POLR3B: variants seen among roughly 807,000 people sequenced by gnomAD.
POLR3B encodes RNA polymerase III subunit B, also known as DNA-directed RNA polymerase III subunit RPC2.
POLR3B carries 96 observed loss-of-function variants against 147.4 expected under a neutral mutation model. That is an observed-to-expected ratio of 0.65 (90% CI 0.55 to 0.77). The LOEUF is 0.77. Among genes scored for constraint, POLR3B ranks in the 30% least tolerant of loss-of-function variants. The pLI is 0.00. For synonymous variants in POLR3B, 461 were observed against 485.9 expected (o/e 0.95, Z 0.67); for missense variants, 1,036 against 1,413.5 (o/e 0.73, Z 4.28).
chr12:106,402,024 C>T (rs1203596634), intron 10 of POLR3B, among the ~76,000 whole-genome samples: 1 of 152,104 alleles, frequency 6.6e-6, no homozygotes, highest in Non-Finnish European at 1.5e-5. Flanking sequence ...GTCAAATTGT[C>T]CCTGTTTGCA....
At chr12:106,425,111 T>G (rs1180198378) in intron 12 of POLR3B, among the ~76,000 whole-genome samples, 1 of 152,346 alleles carries the variant, frequency 6.6e-6, no homozygotes, top group East Asian at 1.9e-4. Flanking sequence ...TTATTTATCT[T>G]GTCCTATGGA....
intron 23 of POLR3B, among the ~76,000 whole-genome samples, chr12:106,483,686 G>A (rs925734436): frequency 1.3e-5 from 2 of 152,162 alleles, no homozygotes; most frequent in South Asian, 4.1e-4. Context: ...GTGAAGGGAG[G>A]CCCTTGCTAT....
intron 6 of POLR3B, among the ~76,000 whole-genome samples, chr12:106,370,922 G>C (rs1287307000): frequency 6.6e-6 from 1 of 152,100 alleles, no homozygotes; most frequent in Non-Finnish European, 1.5e-5. Flanking sequence ...GTGAGCCACC[G>C]CGCCTGGCCT....
In POLR3B at chr12:106,459,347, A is replaced by C; in HGVS notation, c.2549A>C (p.Gln850Pro). Residue 850 changes from glutamine to proline, a missense_variant, in exon 22 of 28, where the codon CAG becomes CCG. Physicochemically the swap from Gln to Pro is moderately conservative, Grantham distance 76. Around this residue, in one of 12 missense-constraint regions of POLR3B, gnomAD observed 202 missense variants for 272.8 expected, o/e 0.74. Transcript: ENST00000228347. ...GGAAGTAATGTACCACAGCAACCACAGTACAAAGATGTACCCATAACGTAT... is the reference window on the plus strand; with the variant it reads ...GGAAGTAATGTACCACAGCAACCACCGTACAAAGATGTACCCATAACGTAT... ...LEGSNVPQQP[Q>P]YKDVPITYKG... The C allele has an allele frequency of 6.4e-7, 1 of 1,566,190 alleles. No individual in the cohort carries two copies. Among genetic ancestry groups the C allele is most frequent in the Non-Finnish European group, 8.8e-7 (1 of 1,136,264 alleles).
chr12:106,463,475 CAGCTACAAAGG>C lies in POLR3B; in HGVS notation c.2572_2582del (p.Tyr858AsnfsTer6). ...TGTTTTAGTGACTTTCTCTTAACAC[CAGCTACAAAGG>C]AGCAACAGACTCATATATTGAAAAA... On this transcript the variant is annotated splice_acceptor_variant and coding_sequence_variant, in exon 23 of 28. Transcript: ENST00000228347. LOFTEE classifies it high-confidence loss of function. The C allele has an allele frequency of 4.3e-6, 7 of 1,612,962 alleles. No homozygotes were observed. The highest frequency in any genetic ancestry group is 5.9e-6 in the Non-Finnish European group (7 of 1,179,160).
At chr12:106,435,195 T>G (rs2037561499) in intron 16 of POLR3B, among the ~76,000 whole-genome samples, 2 of 152,006 alleles carry the variant, frequency 1.3e-5, no homozygotes, top group African/African-American at 4.8e-5. Flanking sequence ...TGGTACGATC[T>G]TGAGTCACTG....
At position 106,437,134 on chromosome 12, in the gene POLR3B, A is replaced by C. The variant is rs184732347; in HGVS notation, c.1856+3A>C. 122 of 1,595,294 alleles carry C rather than the reference A, an allele frequency of 7.6e-5. No homozygotes were observed. In the African/African-American group the frequency reaches 1.4e-3, roughly 18 times the overall value. The stretch of plus-strand genomic sequence containing the variant: ...GAAGAGCTGGCCCAAGGGTACAGGT[A>C]AGTAGCCAAAAGTAAAACTTACCAA... On this transcript the variant is annotated splice_donor_region_variant and intron_variant, in intron 17 of 27. Coordinates refer to ENST00000228347, the MANE Select transcript of POLR3B (RefSeq NM_018082.6).
chr12:106,366,660 A>G lies in POLR3B; in HGVS notation c.165A>G (p.Ile55Met), dbSNP rs748135287. ...DSFNYFINVE[I>M]KKIMKANEKV... ...TAATGTTGCATTTTCCACTGCAGAT[A>G]AAGAAGATAATGAAAGCCAATGAAA... is the stretch of plus-strand genomic sequence containing the variant. Residue 55 changes from isoleucine (I) to methionine (M), a missense_variant and splice_region_variant, in exon 4 of 28, where the codon ATA becomes ATG. Physicochemically the swap from Ile to Met is conservative, Grantham distance 10. Coordinates refer to ENST00000228347, the MANE Select transcript of POLR3B (RefSeq NM_018082.6). 1 of 1,613,438 alleles carries G rather than the reference A, an allele frequency of 6.2e-7. No individual in the cohort carries two copies. The highest frequency in any genetic ancestry group is 1.7e-5 in the Admixed American group (1 of 60,036).
intron 18 of POLR3B, among the ~76,000 whole-genome samples, chr12:106,443,218 G>A (rs2137015542): frequency 6.6e-6 from 1 of 151,972 alleles, no homozygotes; most frequent in East Asian, 1.9e-4. Flanking sequence ...TCAAAATCTG[G>A]TGTGTGCTTA....
At chr12:106,453,099 A>G (rs951477126) in intron 19 of POLR3B, among the ~76,000 whole-genome samples, 2 of 147,142 alleles carry the variant, frequency 1.4e-5, no homozygotes, top group African/African-American at 2.5e-5. Flanking sequence ...ATCTTAGCTC[A>G]CTGCAACCTC....
chr12:106,487,311 C>G (rs2038353702), intron 23 of POLR3B, among the ~76,000 whole-genome samples: 2 of 152,166 alleles, frequency 1.3e-5, no homozygotes, highest in African/African-American at 4.8e-5. Context: ...AGAATAAGAG[C>G]AGTGGTTAGT....
rs1231159864 is a variant in POLR3B, at chr12:106,370,713, C to T, written c.404+1030C>T. On this transcript the variant is annotated intron_variant, in intron 6 of 27. Coordinates refer to ENST00000228347, the MANE Select transcript of POLR3B (RefSeq NM_018082.6). ...GTGGCATGATGTTGGCTCACTGCAA[C>T]CTCTGCCTCCCGGGTTCAAGTAGTT... is the stretch of plus-strand genomic sequence containing the variant. 2.7e-5 allele frequency among the ~76,000 whole-genome samples: 4 copies of T among 149,240 alleles called. No homozygotes were observed. In the Admixed American group the frequency reaches 2.7e-4, roughly 10 times the overall value.
intron 9 of POLR3B, among the ~76,000 whole-genome samples, chr12:106,391,547 G>A (rs183474007): frequency 2.6e-5 from 4 of 152,150 alleles, no homozygotes; most frequent in East Asian, 1.9e-4. Context: ...AGTTTACATC[G>A]GATCCTAAAG....
intron 4 of POLR3B, among the ~76,000 whole-genome samples, 185 bp downstream of exon 4, chr12:106,366,907 C>A (rs749924795): frequency 4.6e-5 from 7 of 152,150 alleles, no homozygotes; most frequent in Non-Finnish European, 7.3e-5. Flanking sequence ...AGTTCGAGAC[C>A]AGCCTGGCCA....
chr12:106,444,769 A>G (rs971640433), intron 19 of POLR3B, among the ~76,000 whole-genome samples, 179 bp downstream of exon 19: 1 of 152,350 alleles, frequency 6.6e-6, no homozygotes, highest in South Asian at 2.1e-4. Flanking sequence ...GTGCCCTGCT[A>G]TGTCTAAATC....
chr12:106,405,726 C>A, intron 10 of POLR3B, 131 bp from the exon 11 acceptor site: 1 of 836,790 alleles, frequency 1.2e-6, no homozygotes, highest in Non-Finnish European at 2.0e-6. Context: ...TGATTTTCAA[C>A]TAGACCCAGT....
At chr12:106,379,347 A>C (rs2136900968) in intron 8 of POLR3B, among the ~76,000 whole-genome samples, 1 of 152,330 alleles carries the variant, frequency 6.6e-6, no homozygotes, top group Non-Finnish European at 1.5e-5. Flanking sequence ...AGGCACTGGA[A>C]TGTGCAGTTA....
At chr12:106,359,563 C>CTCG (rs1444189250) in intron 1 of POLR3B, among the ~76,000 whole-genome samples, 3 of 152,010 alleles carry the variant, frequency 2.0e-5, no homozygotes, top group Non-Finnish European at 4.4e-5. Flanking sequence ...AACTCCTGAC[C>CTCG]TCGTGATCCA....
chr12:106,414,490 G>C (rs1436459885), intron 12 of POLR3B, among the ~76,000 whole-genome samples: 1 of 152,074 alleles, frequency 6.6e-6, no homozygotes. Context: ...ACATGATTCT[G>C]AGGATTATGA....
Sources: gnomAD v4.1 joint callset for allele counts (sites outside exome capture counted in the v4.1 genomes callset) on GRCh38, gnomAD v4.1.1 for gene constraint, gnomAD v4.1.1 regional missense constraint, MANE v1.5 for transcripts, NCBI Gene and HGNC (gene_info 2026-07-23, HGNC 2026-07-21) for gene names.